ABCB4: variants seen among roughly 807,000 people sequenced by gnomAD.
ABCB4 encodes the protein ATP binding cassette subfamily B member 4, also known as phosphatidylcholine translocator ABCB4.
Under a neutral mutation model 145.7 loss-of-function variants are expected in ABCB4, and 76 were observed. The ratio of observed to expected loss-of-function variants is 0.52; its 90% CI spans 0.43 to 0.63. The LOEUF (loss-of-function observed/expected upper bound fraction) is 0.63, where lower values mean the gene tolerates loss of function less well. Ranked by LOEUF, ABCB4 falls within the 30% of genes least tolerant of loss-of-function variation. ABCB4 has a pLI of 0.00. For synonymous variants in ABCB4, 517 were observed against 566.8 expected (o/e 0.91, Z 1.25); for missense variants, 1,234 against 1,553.1 (o/e 0.79, Z 3.45).
chr7:87,415,579 C>CTA (rs1456554545), intron 21 of ABCB4, among the ~76,000 whole-genome samples: 2 of 152,030 alleles, frequency 1.3e-5, no homozygotes, highest in Admixed American at 1.3e-4. Flanking sequence ...TATTCAATCT[C>CTA]TGATGCTTAG....
Position 87,454,706 on chromosome 7 carries a change from G to A in ABCB4, c.287-114C>T, listed in dbSNP as rs1233750691. 6.2e-6 allele frequency: 5 copies of A among 803,552 alleles called. No homozygotes were observed. In the South Asian group the frequency reaches 6.7e-5, roughly 11 times the overall value. The allele number at this position is 803,552 out of a possible 1,614,324, so 49.8% of individuals were successfully genotyped here. ...TGTATGAAAGCTAGAAGATGCTATT[G>A]TTAAGTTTCTCTTTAAAAAACACTT... is the stretch of plus-strand genomic sequence containing the variant. On this transcript the variant is annotated intron_variant, in intron 4 of 27. Transcript: ENST00000649586.
chr7:87,397,141 C>A (rs1480243245), downstream of ABCB4, among the ~76,000 whole-genome samples: 1 of 152,084 alleles, frequency 6.6e-6, no homozygotes, highest in Non-Finnish European at 1.5e-5. Flanking sequence ...CACTTGAGGC[C>A]AGGAGTTCAA....
At chr7:87,392,375 A>C in the ABCB4 span, among the ~76,000 whole-genome samples, 3 of 152,156 alleles carry the variant, frequency 2.0e-5, no homozygotes, top group Admixed American at 6.6e-5. Flanking sequence ...AAGAAATAAG[A>C]AGCAGGATAT....
At chr7:87,475,790 G>GCCGCGGC (rs1238475729), upstream of ABCB4, 1 of 211,198 alleles carries the variant, frequency 4.7e-6, no homozygotes, top group East Asian at 1.3e-4. Context: ...CAGGGCGAGG[G>GCCGCGGC]CCGCGGCCCG....
rs752034012 is a variant in ABCB4 at position 87,431,452 on chromosome 7, G to T, written c.1845C>A (p.Ser615Arg). 1 of 1,614,088 alleles carries T rather than the reference G, an allele frequency of 6.2e-7. No homozygotes were observed. The highest frequency in any genetic ancestry group is 1.1e-5 in the South Asian group (1 of 91,088). Reference sequence around the variant, plus strand: ...ACACCCCTTCCTTCTTCATCAGTTCGCTGTGGCTTCCTTGCTCCACAATTA... The same window carrying T: ...ACACCCCTTCCTTCTTCATCAGTTCTCTGTGGCTTCCTTGCTCCACAATTA... ...DGVIVEQGSHSELMKKEGVYF... is the reference protein window; with the variant it reads ...DGVIVEQGSHRELMKKEGVYF... Residue 615 changes from serine (S) to arginine (R), a missense_variant, in exon 15 of 28, where the codon AGC becomes AGA. Coordinates refer to ENST00000649586, the MANE Select transcript of ABCB4 (RefSeq NM_000443.4).
At chr7:87,384,393 G>A in the ABCB4 span, among the ~76,000 whole-genome samples, 3 of 152,072 alleles carry the variant, frequency 2.0e-5, no homozygotes, top group African/African-American at 2.4e-5. Flanking sequence ...TTAGCCTGAT[G>A]TAGGGGCACA....
intron 17 of ABCB4, among the ~76,000 whole-genome samples, chr7:87,422,439 G>A (rs1809511171): frequency 6.6e-6 from 1 of 152,086 alleles, no homozygotes; most frequent in African/African-American, 2.4e-5. Flanking sequence ...TCACATTGTT[G>A]TGCAACCTTC....
At chr7:87,431,135 G>A (rs896517576) in intron 15 of ABCB4, among the ~76,000 whole-genome samples, 6 of 152,130 alleles carry the variant, frequency 3.9e-5, no homozygotes, top group Admixed American at 1.3e-4. Context: ...TCCCATTATG[G>A]TAGAAAGGAC....
At chr7:87,441,138 A>G (rs1810956773) in intron 12 of ABCB4, among the ~76,000 whole-genome samples, 1 of 152,254 alleles carries the variant, frequency 6.6e-6, no homozygotes, top group Non-Finnish European at 1.5e-5. Flanking sequence ...GTAGAGAATT[A>G]CTAAGTTGAA....
chr7:87,368,841 T>C, the ABCB4 span, among the ~76,000 whole-genome samples: 1 of 152,332 alleles, frequency 6.6e-6, no homozygotes, highest in African/African-American at 2.4e-5. Context: ...AAATCAGAGA[T>C]AATCCATTGT....
chr7:87,475,244 C>T, intron 2 of ABCB4, 142 bp downstream of exon 2: 1 of 954,744 alleles, frequency 1.0e-6, no homozygotes, highest in Non-Finnish European at 1.7e-6. Context: ...AAGGTCAGAA[C>T]CGGATGCAAG....
chr7:87,462,932 A>C (rs1298799739), intron 3 of ABCB4, 24 bp from the exon 4 acceptor site: 2 of 1,603,634 alleles, frequency 1.2e-6, no homozygotes, highest in Non-Finnish European at 1.7e-6. Flanking sequence ...ATAAAATAAT[A>C]CTTAGCTGTG....
chr7:87,462,893 A>G lies in ABCB4; in HGVS notation c.151T>C (p.Trp51Arg). The G allele has an allele frequency of 1.2e-6, 2 of 1,613,962 alleles. No individual in the cohort carries two copies. The highest frequency in any genetic ancestry group is 1.7e-6 in the Non-Finnish European group (2 of 1,179,872). ...GVLTLFRYSD[W>R]QDKLFMSLGT... ...AGCGACATAAACAATTTATCCTGCCAATCGGAGTATCGAAACTAAAAAAAG... is the reference window on the plus strand; with the variant it reads ...AGCGACATAAACAATTTATCCTGCCGATCGGAGTATCGAAACTAAAAAAAG... Residue 51 changes from tryptophan (W) to arginine (R), a missense_variant, in exon 4 of 28, where the codon TGG becomes CGG. Coordinates refer to ENST00000649586, the MANE Select transcript of ABCB4 (RefSeq NM_000443.4).
At chr7:87,439,949 T>G in intron 13 of ABCB4, 112 bp from the exon 14 acceptor site, 3 of 1,407,514 alleles carry the variant, frequency 2.1e-6, no homozygotes, top group Non-Finnish European at 3.0e-6. Context: ...TATTTTAATG[T>G]ATCATAAAGT....
the ABCB4 span, chr7:87,382,375 G>A: frequency 3.1e-6 from 5 of 1,600,076 alleles, no homozygotes; most frequent in South Asian, 4.5e-5. Context: ...TTCTCCTTAG[G>A]TGATTTTTCA....
chr7:87,462,006 C>T lies in ABCB4; in HGVS notation c.286+752G>A, dbSNP rs1293691291. 2.6e-5 allele frequency among the ~76,000 whole-genome samples: 4 copies of T among 152,156 alleles called. No individual in the cohort carries two copies. In the East Asian group the frequency reaches 7.7e-4, roughly 29 times the overall value. On this transcript the variant is annotated intron_variant, in intron 4 of 27. Coordinates refer to ENST00000649586, the MANE Select transcript of ABCB4 (RefSeq NM_000443.4). ...AAAGCTTCACTCAGTCTTCTCCAGC[C>T]CAGTGCCCACAAGGTCTCTTAGAGA...
At chr7:87,366,070 AT>A in the ABCB4 span, among the ~76,000 whole-genome samples, 2 of 151,996 alleles carry the variant, frequency 1.3e-5, no homozygotes, top group African/African-American at 4.8e-5. Flanking sequence ...TTTGATCCAA[AT>A]TTCCCATTGC....
At chr7:87,403,046 G>A (rs1807917665) in intron 27 of ABCB4, 89 bp downstream of exon 27, 5 of 1,367,910 alleles carry the variant, frequency 3.7e-6, no homozygotes, top group African/African-American at 1.4e-5. Context: ...TTTTCCCCCT[G>A]TGCTTGTGTG....
the ABCB4 span, among the ~76,000 whole-genome samples, chr7:87,386,732 G>A: frequency 6.6e-6 from 1 of 152,096 alleles, no homozygotes. Context: ...CATGGAGCGT[G>A]CTTCCTACAC....
Sources: gnomAD v4.1 joint callset for allele counts (sites outside exome capture counted in the v4.1 genomes callset) on GRCh38, gnomAD v4.1.1 for gene constraint, MANE v1.5 for transcripts, NCBI Gene and HGNC (gene_info 2026-07-23, HGNC 2026-07-21) for gene names.